The following NIPA1 variants were observed in gnomAD, a reference collection of about 807,000 sequenced individuals.
NIPA1 encodes the protein magnesium transporter NIPA1.
A neutral mutation model predicts 23.9 loss-of-function variants in NIPA1; 13 were observed. The ratio of observed to expected loss-of-function variants is 0.54; its 90% CI spans 0.35 to 0.87. The LOEUF is 0.87. Ranked by LOEUF, NIPA1 falls within the 40% of genes least tolerant of loss-of-function variation. The pLI is 0.01. For missense variants in NIPA1, 362 were observed against 429.7 expected, an observed-to-expected ratio of 0.84 and a Z score of 1.39; for synonymous variants, 234 against 202.9, an observed-to-expected ratio of 1.15 and a Z score of -1.30.
At chr15:22,786,404 AT>A (rs940657874), upstream of NIPA1, among the ~76,000 whole-genome samples, 52 of 152,158 alleles carry the variant, frequency 3.4e-4, no homozygotes, top group African/African-American at 1.1e-3. Flanking sequence ...CTGCATTTCC[AT>A]TTGCGAAATC....
At position 22,823,790 on chromosome 15, in the gene NIPA1, C is replaced by G; in HGVS notation, c.541C>G (p.Pro181Ala). The change falls in exon 5 of 5, where the codon CCG (proline) becomes GCG (alanine). Residue 181 changes from proline (P) to alanine (A), a missense_variant. Around this residue, in one of 2 missense-constraint regions of NIPA1, gnomAD observed 277 missense variants for 372.0 expected, o/e 0.74. Transcript: ENST00000337435. The stretch of plus-strand genomic sequence containing the variant: ...GCTGCTGCTCATCTTCTGGATCGCG[C>G]CGGCCCATGGGCCCACCAACATCAT... ...MLLLLIFWIA[P>A]AHGPTNIMVY... 6.2e-7 allele frequency: 1 copy of G among 1,613,734 alleles called. No individual in the cohort carries two copies. The highest frequency in any genetic ancestry group is 8.5e-7 in the Non-Finnish European group (1 of 1,179,866).
Position 22,810,623 on chromosome 15 carries a change from A to G in NIPA1, c.179-126A>G, listed in dbSNP as rs1595640387. The G allele has an allele frequency of 8.6e-6, 6 of 699,270 alleles. No homozygotes were observed. In the East Asian group the frequency reaches 1.6e-4, roughly 19 times the overall value. The allele number at this position is 699,270 out of a possible 1,614,324, so 43.3% of individuals were successfully genotyped here. On this transcript the variant is annotated intron_variant, in intron 1 of 4. Coordinates refer to ENST00000337435, the MANE Select transcript of NIPA1 (RefSeq NM_144599.5). ...GAAAGATTCTCTTTAGGGTGAATAA[A>G]CAGTATGACATTCATTCTTTTCAAT...
At chr15:22,789,019 G>A (rs558914088) in intron 1 of NIPA1, among the ~76,000 whole-genome samples, 1 of 149,720 alleles carries the variant, frequency 6.7e-6, no homozygotes, top group East Asian at 2.0e-4. Context: ...TTGAGACGGA[G>A]TTTCGCTCTT....
At chr15:22,819,417 G>A (rs1895490422) in intron 3 of NIPA1, 1 of 152,160 alleles carries the variant, frequency 6.6e-6, no homozygotes, top group South Asian at 2.1e-4. Flanking sequence ...CTTACTGAGG[G>A]CAAGGTGTTC....
At chr15:22,792,013 G>A (rs1014898459) in intron 1 of NIPA1, among the ~76,000 whole-genome samples, 12 of 152,218 alleles carry the variant, frequency 7.9e-5, no homozygotes, top group African/African-American at 2.9e-4. Context: ...AGGCTCAGAT[G>A]GGGCTGCCTA....
intron 1 of NIPA1, among the ~76,000 whole-genome samples, chr15:22,797,620 C>T (rs1236174453): frequency 6.6e-6 from 1 of 151,782 alleles, no homozygotes; most frequent in Non-Finnish European, 1.5e-5. Flanking sequence ...TCTCCTGCCT[C>T]AGCCTCCCAA....
At chr15:22,805,943 G>A (rs1895196837) in intron 1 of NIPA1, among the ~76,000 whole-genome samples, 1 of 151,362 alleles carries the variant, frequency 6.6e-6, no homozygotes, top group South Asian at 2.1e-4. Flanking sequence ...ATTTATTTTG[G>A]GATGGAGTCT....
chr15:22,798,416 T>C (rs1426714799), intron 1 of NIPA1, among the ~76,000 whole-genome samples: 1 of 150,124 alleles, frequency 6.7e-6, no homozygotes, highest in Admixed American at 6.6e-5. Flanking sequence ...ATTTTTTGTA[T>C]TTTAAGTAGA....
In NIPA1 at chr15:22,820,410, C is replaced by T; in HGVS notation, c.415C>T (p.His139Tyr). The T allele has an allele frequency of 1.9e-6, 3 of 1,612,628 alleles. No homozygotes were observed. Among genetic ancestry groups the T allele is most frequent in the Non-Finnish European group, 2.5e-6 (3 of 1,178,622 alleles). The change falls in exon 4 of 5, where the codon CAC becomes TAC. Residue 139 changes from histidine (H) to tyrosine (Y), a missense_variant. Coordinates refer to ENST00000337435, the MANE Select transcript of NIPA1 (RefSeq NM_144599.5). ...SCAGSVVLII[H>Y]SPKSESVTTQ... ...TGCAGGCTCCGTCGTGCTGATTATC[C>T]ACTCCCCAAAGTCTGAGAGTGTGAC... is the stretch of plus-strand genomic sequence containing the variant.
chr15:22,807,782 T>TTGTGTGTGTGTGTGTGTG (rs71117484), intron 1 of NIPA1, among the ~76,000 whole-genome samples: 4,188 of 145,860 alleles, frequency 0.029, 207 homozygotes, highest in East Asian at 0.15. Flanking sequence ...TTAAATTCAC[T>TTGTGTGTGTGTGTGTGTG]TGTGTGTGTG....
At chr15:22,811,002 T>C (rs1466410781) in intron 2 of NIPA1, 1 of 597,800 alleles carries the variant, frequency 1.7e-6, no homozygotes, top group African/African-American at 1.9e-5. Context: ...CCTCCCAGGA[T>C]GAGAGTGCAG....
At chr15:22,791,456 G>A (rs1894823539) in intron 1 of NIPA1, among the ~76,000 whole-genome samples, 1 of 147,110 alleles carries the variant, frequency 6.8e-6, no homozygotes, top group Admixed American at 6.9e-5. Flanking sequence ...AGGGATTTGA[G>A]GCATGGCTTC....
chr15:22,802,319 G>C (rs1382661810), intron 1 of NIPA1, among the ~76,000 whole-genome samples: 1 of 149,218 alleles, frequency 6.7e-6, no homozygotes, highest in Admixed American at 6.7e-5. Flanking sequence ...TTGAACCCGG[G>C]AAGTGGAGGT....
chr15:22,809,361 T>A (rs1187883867), intron 1 of NIPA1, among the ~76,000 whole-genome samples: 1 of 152,036 alleles, frequency 6.6e-6, no homozygotes, highest in Non-Finnish European at 1.5e-5. Context: ...CACTCCAGCC[T>A]CAGCGACAGA....
In NIPA1 at chr15:22,820,296, C is replaced by T. The variant is rs746466504; in HGVS notation, c.318-17C>T. The T allele has an allele frequency of 1.9e-6, 3 of 1,583,332 alleles. No individual in the cohort carries two copies. Among genetic ancestry groups the T allele is most frequent in the Non-Finnish European group, 2.6e-6 (3 of 1,152,210 alleles). On this transcript the variant is annotated splice_polypyrimidine_tract_variant and intron_variant, in intron 3 of 4. Transcript: ENST00000337435. Reference sequence around the variant, plus strand: ...AGTTTGGTTTAAACTTTAATGATTTCTCTTTTTTCAATAAAGGTCCATTTT... The same window carrying T: ...AGTTTGGTTTAAACTTTAATGATTTTTCTTTTTTCAATAAAGGTCCATTTT...
chr15:22,819,284 A>AT (rs1222211918), intron 3 of NIPA1: 1 of 152,156 alleles, frequency 6.6e-6, no homozygotes, highest in Non-Finnish European at 1.5e-5. Flanking sequence ...TATCTTTAAA[A>AT]TAGGTATTAA....
At chr15:22,801,438 GAGAGATTGCCTTTAGTTAAGGC>G (rs1456093686) in intron 1 of NIPA1, among the ~76,000 whole-genome samples, 1 of 151,242 alleles carries the variant, frequency 6.6e-6, no homozygotes, top group East Asian at 1.9e-4. Flanking sequence ...GAAAGGATGA[GAGAGATTGCCTTTAGTTAAGGC>G]AGAGAGGAAG....
chr15:22,789,519 C>A (rs529766547), intron 1 of NIPA1, among the ~76,000 whole-genome samples: 2 of 152,030 alleles, frequency 1.3e-5, no homozygotes, highest in East Asian at 1.9e-4. Context: ...GAGTCACTTA[C>A]GGCTGAGAGG....
At chr15:22,812,117 G>T (rs763964365) in intron 2 of NIPA1, 46 bp from the exon 3 acceptor site, 1 of 1,368,350 alleles carries the variant, frequency 7.3e-7, no homozygotes, top group Admixed American at 1.7e-5. Context: ...AGTGCTGGAA[G>T]AGAGCTCTGT....
Sources: gnomAD v4.1 joint callset for allele counts (sites outside exome capture counted in the v4.1 genomes callset) on GRCh38, gnomAD v4.1.1 for gene constraint, gnomAD v4.1.1 regional missense constraint, MANE v1.5 for transcripts, NCBI Gene and HGNC (gene_info 2026-07-23, HGNC 2026-07-21) for gene names.